The following INTS1 variants were observed in gnomAD, a reference collection of about 807,000 sequenced individuals.
The protein encoded by INTS1 is integrator complex subunit 1.
A neutral mutation model predicts 241.6 loss-of-function variants in INTS1; 137 were observed. The observed-to-expected ratio is 0.57, with a 90% CI of 0.49 to 0.65. The LOEUF is 0.65. Ranked by LOEUF, INTS1 falls within the 30% of genes least tolerant of loss-of-function variation. The probability of loss-of-function intolerance (pLI) is 0.00; values close to 1 mark genes in which losing one functional copy is unlikely to be tolerated. For missense variants in INTS1, 3,073 were observed against 3,032.2 expected, an observed-to-expected ratio of 1.01 and a Z score of -0.32; for synonymous variants, 1,692 against 1,337.8, an observed-to-expected ratio of 1.26 and a Z score of -5.78.
At chr7:1,483,287 G>C (rs1321197220) in intron 26 of INTS1, 3 of 253,644 alleles carry the variant, frequency 1.2e-5, no homozygotes, top group Non-Finnish European at 2.4e-5. Flanking sequence ...GGGCACGGCT[G>C]GGTAGGCGCT....
Position 1,497,422 on chromosome 7 carries a change from T to C in INTS1, c.1426-108A>G. On this transcript the variant is annotated intron_variant, in intron 10 of 47. Coordinates refer to ENST00000404767, the MANE Select transcript of INTS1 (RefSeq NM_001080453.3). This position sits in a 1 kb window ranked among gnomAD's most constrained non-coding sequence, Gnocchi z 5.3. Reference sequence around the variant, plus strand: ...TGGCGCCCGAGGGCGCTGCAGTGGGTCTCAGACAGTGTGGGGTGCGGGGTG... The same window carrying C: ...TGGCGCCCGAGGGCGCTGCAGTGGGCCTCAGACAGTGTGGGGTGCGGGGTG... 8.3e-7 allele frequency: 1 copy of C among 1,208,134 alleles called. No individual in the cohort carries two copies. Among genetic ancestry groups the C allele is most frequent in the Non-Finnish European group, 1.1e-6 (1 of 884,368 alleles). 74.8% of individuals were successfully genotyped at this position (1,208,134 alleles called of 1,614,324 possible).
In INTS1 at chr7:1,470,634, G is replaced by A; in HGVS notation, c.6516C>T (p.Asp2172=). The change falls in exon 48 of 48, where the codon GAC becomes GAT. Residue 2172 remains aspartate (D), a synonymous_variant. Coordinates refer to ENST00000404767, the MANE Select transcript of INTS1 (RefSeq NM_001080453.3). ...GGGCCTCGGAGATCTGCGCGCTGGG[G>A]TCCATCTGGCCGTACATGCCCACCA... is the stretch of plus-strand genomic sequence containing the variant. ...AFLVGMYGQM[D]PSAQISEALR... The A allele has an allele frequency of 6.3e-7, 1 of 1,588,356 alleles. No individual in the cohort carries two copies. The highest frequency in any genetic ancestry group is 8.6e-7 in the Non-Finnish European group (1 of 1,168,366).
At chr7:1,478,549 C>A (rs1374484016) in intron 32 of INTS1, 43 bp from the exon 33 acceptor site, 3 of 1,592,580 alleles carry the variant, frequency 1.9e-6, no homozygotes. Context: ...CCAGCCCTCA[C>A]CCCATCGGTG....
At chr7:1,483,719 T>G in intron 26 of INTS1, 23 bp downstream of exon 26, 10 of 1,592,056 alleles carry the variant, frequency 6.3e-6, no homozygotes, top group Non-Finnish European at 8.6e-6. Flanking sequence ...AAGCTGCCCC[T>G]CCCGGGGCCT....
Position 1,497,260 on chromosome 7 carries a change from CCCGCAGGTAGTCGT to C in INTS1, c.1466_1479del (p.Asp489GlyfsTer113). On this transcript the variant is annotated frameshift_variant, in exon 11 of 48. Transcript: ENST00000404767. LOFTEE classifies it high-confidence loss of function. This position sits in a 1 kb window ranked among gnomAD's most constrained non-coding sequence, Gnocchi z 5.3. ...ATCTCCCGCAGCAGGGCCCGCGAGG[CCCGCAGGTAGTCGT>C]CCTTGTTGGTCAGCAGGTCCTGGAA... 1 of 1,613,540 alleles carries C rather than the reference CCCGCAGGTAGTCGT, an allele frequency of 6.2e-7. No homozygotes were observed. Among genetic ancestry groups the C allele is most frequent in the Non-Finnish European group, 8.5e-7 (1 of 1,179,788 alleles).
At chr7:1,487,551 G>A (rs542727387) in intron 19 of INTS1, 102 bp from the exon 20 acceptor site, 46 of 1,439,322 alleles carry the variant, frequency 3.2e-5, no homozygotes, top group East Asian at 1.7e-4. Context: ...CCGACAGCCC[G>A]AGACGGGCAA....
chr7:1,476,136 G>A (rs980851327), intron 38 of INTS1, 65 bp from the exon 39 acceptor site: 47 of 1,525,926 alleles, frequency 3.1e-5, no homozygotes, highest in Non-Finnish European at 4.0e-5. Flanking sequence ...GGGTGGACGG[G>A]ACCAGGCGTG....
Position 1,471,239 on chromosome 7 carries a change from G to A in INTS1, c.6256-15C>T, listed in dbSNP as rs750894155. 9.6e-6 allele frequency: 15 copies of A among 1,564,180 alleles called. No homozygotes were observed. The highest frequency in any genetic ancestry group is 1.3e-5 in the Non-Finnish European group (15 of 1,155,318). On this transcript the variant is annotated splice_polypyrimidine_tract_variant and intron_variant, in intron 45 of 47. Coordinates refer to ENST00000404767, the MANE Select transcript of INTS1 (RefSeq NM_001080453.3). ...TGCAGGTTGGTCTGACCGGGGGAAA[G>A]GTGGGAGGTGTGTGACCAAGGGGTC... is the stretch of plus-strand genomic sequence containing the variant.
chr7:1,502,174 G>T (rs1783215970), intron 3 of INTS1, among the ~76,000 whole-genome samples: 1 of 152,092 alleles, frequency 6.6e-6, no homozygotes, highest in Non-Finnish European at 1.5e-5. Flanking sequence ...CAGGACACTT[G>T]TTCTTTTTGA....
chr7:1,479,496 C>A lies in INTS1; in HGVS notation c.4263G>T (p.Leu1421=). 2 of 1,573,622 alleles carry A rather than the reference C, an allele frequency of 1.3e-6. No homozygotes were observed. Among genetic ancestry groups the A allele is most frequent in the Non-Finnish European group, 1.7e-6 (2 of 1,160,812 alleles). Residue 1421 remains leucine (L), a synonymous_variant, in exon 31 of 48, where the codon CTG becomes CTT. Transcript: ENST00000404767. Reference sequence around the variant, plus strand: ...AGTGGCTACGGTGCATGGACATCACCAGGGCACCGCCGTGTGGGGAGCTGA... The same window carrying A: ...AGTGGCTACGGTGCATGGACATCACAAGGGCACCGCCGTGTGGGGAGCTGA... ...TLLSSPHGGA[L]VMSMHRSHFL... is the part of the protein sequence containing the mutation.
In INTS1 at chr7:1,497,847, A is replaced by G. The variant is rs1195018604; in HGVS notation, c.1426-533T>C. On this transcript the variant is annotated intron_variant, in intron 10 of 47. Coordinates refer to ENST00000404767, the MANE Select transcript of INTS1 (RefSeq NM_001080453.3). This position sits in a 1 kb window ranked among gnomAD's most constrained non-coding sequence, Gnocchi z 5.3. Reference sequence around the variant, plus strand: ...GCATCTCCCGAGCCCGCTTCAAAGGAGACACGGAAATCCAAGGGTCCTACA... The same window carrying G: ...GCATCTCCCGAGCCCGCTTCAAAGGGGACACGGAAATCCAAGGGTCCTACA... Among the ~76,000 whole-genome samples, 1 of 152,174 alleles carries G rather than the reference A, an allele frequency of 6.6e-6. No homozygotes were observed. The highest frequency in any genetic ancestry group is 1.5e-5 in the Non-Finnish European group (1 of 68,026).
At chr7:1,487,487 T>C in intron 19 of INTS1, 38 bp from the exon 20 acceptor site, 1 of 1,596,600 alleles carries the variant, frequency 6.3e-7, no homozygotes, top group Non-Finnish European at 8.5e-7. Flanking sequence ...CAGCACGCCC[T>C]GAGCGGATCA....
Position 1,477,535 on chromosome 7 carries a change from C to A in INTS1, c.4938+15G>T. 1 of 1,497,302 alleles carries A rather than the reference C, an allele frequency of 6.7e-7. No homozygotes were observed. The highest frequency in any genetic ancestry group is 8.9e-7 in the Non-Finnish European group (1 of 1,124,678). 92.8% of individuals were successfully genotyped at this position (1,497,302 alleles called of 1,614,324 possible). A position where few individuals can be genotyped will look rare whatever the true frequency, so the allele number is the denominator to read the frequency against. ...CCTGGGGTGGGTCCCCGTGCTGAAGCTGGGTGCCACCCACCTTCCTCCGGG... is the reference window on the plus strand; with the variant it reads ...CCTGGGGTGGGTCCCCGTGCTGAAGATGGGTGCCACCCACCTTCCTCCGGG... On this transcript the variant is annotated intron_variant, in intron 35 of 47. Coordinates refer to ENST00000404767, the MANE Select transcript of INTS1 (RefSeq NM_001080453.3).
Position 1,479,616 on chromosome 7 carries a change from C to A in INTS1, c.4143G>T (p.Gln1381His). The change falls in exon 31 of 48, where the codon CAG (glutamine) becomes CAT (histidine). Residue 1381 changes from glutamine to histidine, a missense_variant. Physicochemically the swap from Gln to His is conservative, Grantham distance 24 (BLOSUM62 0). Coordinates refer to ENST00000404767, the MANE Select transcript of INTS1 (RefSeq NM_001080453.3). ...SSPRPVALAL[Q>H]QALGQELARV... ...GGGCCAGCTCCTGGCCCAGGGCCTG[C>A]TGCAGGGCGAGGGCCACGGGGCGGG... 6.5e-7 allele frequency: 1 copy of A among 1,529,304 alleles called. No individual in the cohort carries two copies. The highest frequency in any genetic ancestry group is 1.2e-5 in the South Asian group (1 of 83,110). The allele number at this position is 1,529,304 out of a possible 1,614,324, so 94.7% of individuals were successfully genotyped here.
intron 43 of INTS1, 121 bp from the exon 44 acceptor site, chr7:1,472,507 C>T (rs951416314): frequency 1.5e-6 from 1 of 645,738 alleles, no homozygotes; most frequent in South Asian, 2.0e-5. Flanking sequence ...GGTGCCTGCA[C>T]ACAGCAGCGC....
Position 1,485,473 on chromosome 7 carries a change from T to A in INTS1, c.2977-4A>T, listed in dbSNP as rs1264272147. On this transcript the variant is annotated splice_region_variant and splice_polypyrimidine_tract_variant and intron_variant, in intron 22 of 47. Transcript: ENST00000404767. ...CCGAAAGCACCAGCGACAAACCCTG[T>A]GGCAGACACTCATGAGCTGGGCCGG... 1 of 1,611,612 alleles carries A rather than the reference T, an allele frequency of 6.2e-7. No individual in the cohort carries two copies. Among genetic ancestry groups the A allele is most frequent in the Non-Finnish European group, 8.5e-7 (1 of 1,179,730 alleles).
chr7:1,499,659 C>G, intron 5 of INTS1, 27 bp from the exon 6 acceptor site: 1 of 1,572,154 alleles, frequency 6.4e-7, no homozygotes, highest in Non-Finnish European at 8.7e-7. Flanking sequence ...CCCTCAGCCC[C>G]GAGCCCAGCC....
In INTS1 at chr7:1,493,986, G is replaced by C; in HGVS notation, c.1911-75C>G. 2.0e-6 allele frequency: 3 copies of C among 1,479,896 alleles called. No homozygotes were observed. Among genetic ancestry groups the C allele is most frequent in the Non-Finnish European group, 2.7e-6 (3 of 1,103,738 alleles). The allele number at this position is 1,479,896 out of a possible 1,614,324, so 91.7% of individuals were successfully genotyped here. ...GACCTGAGGGGCCGAGGACAGGCCA[G>C]CTTCTCCCTCAGAGCCCACGGGCTG... On this transcript the variant is annotated intron_variant, in intron 14 of 47. Transcript: ENST00000404767. The surrounding 1 kb of genome is among the most constrained non-coding windows in gnomAD (Gnocchi z 5.3).
chr7:1,478,973 G>T, intron 31 of INTS1, 88 bp from the exon 32 acceptor site: 3 of 1,411,956 alleles, frequency 2.1e-6, no homozygotes, highest in Non-Finnish European at 9.5e-7. Context: ...CCGTGAGGCT[G>T]CTGAGACCTG....
Sources: gnomAD v4.1 joint callset for allele counts (sites outside exome capture counted in the v4.1 genomes callset) on GRCh38, gnomAD v4.1.1 for gene constraint, Gnocchi (gnomAD v3.1) non-coding constraint, MANE v1.5 for transcripts, NCBI Gene and HGNC (gene_info 2026-07-23, HGNC 2026-07-21) for gene names.